Variants in CNTNAP2 observed in about 807,000 individuals in gnomAD.
CNTNAP2 encodes contactin-associated protein-like 2.
A neutral mutation model predicts 155.2 loss-of-function variants in CNTNAP2; 98 were observed. The ratio of observed to expected loss-of-function variants is 0.63; its 90% confidence interval spans 0.54 to 0.75. The LOEUF is 0.75. Ranked by LOEUF, CNTNAP2 falls within the 30% of genes least tolerant of loss-of-function variation. The pLI is 0.00. For missense variants in CNTNAP2, 1,727 were observed against 1,688.1 expected, an observed-to-expected ratio of 1.02 and a Z score of -0.40; for synonymous variants, 651 against 631.2, an observed-to-expected ratio of 1.03 and a Z score of -0.47.
chr7:147,756,899 C>G (rs1797220108), intron 13 of CNTNAP2, among the ~76,000 whole-genome samples: 1 of 152,168 alleles, frequency 6.6e-6, no homozygotes, highest in Non-Finnish European at 1.5e-5. Context: ...GAGTTAGCTA[C>G]AGAACATTAA....
At chr7:147,731,493 A>G (rs547998913) in intron 13 of CNTNAP2, among the ~76,000 whole-genome samples, 2 of 150,384 alleles carry the variant, frequency 1.3e-5, no homozygotes, top group Admixed American at 1.3e-4. Context: ...ACATACATAG[A>G]AAAAAAAAAG....
intron 13 of CNTNAP2, among the ~76,000 whole-genome samples, chr7:147,756,709 C>T (rs1261461765): frequency 1.3e-5 from 2 of 152,132 alleles, no homozygotes; most frequent in East Asian, 1.9e-4. Flanking sequence ...CTAGAAGGGA[C>T]TCCTTCCTCT....
intron 13 of CNTNAP2, among the ~76,000 whole-genome samples, chr7:147,823,507 G>A (rs899839870): frequency 1.3e-5 from 2 of 152,042 alleles, no homozygotes; most frequent in African/African-American, 4.8e-5. Flanking sequence ...CTACCTTTGA[G>A]GTATGAAGAC....
intron 1 of CNTNAP2, among the ~76,000 whole-genome samples, chr7:146,590,375 A>C (rs1389157212): frequency 1.3e-5 from 2 of 152,162 alleles, no homozygotes; most frequent in Non-Finnish European, 2.9e-5. Context: ...ATGAATGTTT[A>C]TCTCCCGAAG....
At chr7:147,971,017 G>C (rs1414215086) in intron 14 of CNTNAP2, among the ~76,000 whole-genome samples, 1 of 152,090 alleles carries the variant, frequency 6.6e-6, no homozygotes, top group Non-Finnish European at 1.5e-5. Context: ...AGAAAGGTGT[G>C]TTTTCTATCC....
intron 8 of CNTNAP2, among the ~76,000 whole-genome samples, chr7:147,233,611 A>G (rs1803733658): frequency 6.6e-6 from 1 of 151,864 alleles, no homozygotes; most frequent in Admixed American, 6.6e-5. Context: ...ACAAAAATTA[A>G]TAGAGACAGT....
intron 1 of CNTNAP2, among the ~76,000 whole-genome samples, chr7:146,418,009 G>A (rs1315696619): frequency 6.6e-6 from 1 of 152,186 alleles, no homozygotes; most frequent in African/African-American, 2.4e-5. Flanking sequence ...ACAAACAAGA[G>A]AATGAGTTAG....
At chr7:146,487,486 C>A (rs141913327) in intron 1 of CNTNAP2, among the ~76,000 whole-genome samples, 8 of 152,314 alleles carry the variant, frequency 5.3e-5, no homozygotes, top group African/African-American at 1.9e-4. Context: ...CTAGACTGAT[C>A]TACAACTTAA....
At chr7:147,291,767 G>C (rs942578454) in intron 8 of CNTNAP2, among the ~76,000 whole-genome samples, 1 of 152,098 alleles carries the variant, frequency 6.6e-6, no homozygotes, top group Non-Finnish European at 1.5e-5. Context: ...AATGCATGAG[G>C]GTTCAAATTG....
intron 11 of CNTNAP2, among the ~76,000 whole-genome samples, chr7:147,532,916 C>G (rs868609959): frequency 2.6e-5 from 4 of 152,168 alleles, no homozygotes; most frequent in African/African-American, 9.7e-5. Context: ...AGATACAACT[C>G]AAGTTGAGAT....
chr7:147,582,467 T>C (rs1309287481), intron 12 of CNTNAP2, among the ~76,000 whole-genome samples: 2 of 152,134 alleles, frequency 1.3e-5, no homozygotes, highest in African/African-American at 4.8e-5. Flanking sequence ...TATGAAAATG[T>C]TTCCTATATT....
intron 8 of CNTNAP2, chr7:147,146,687 T>C (rs953451456): frequency 6.6e-6 from 1 of 152,274 alleles, no homozygotes; most frequent in East Asian, 1.9e-4. Flanking sequence ...ATTTTTTATC[T>C]AAATATAGAA....
chr7:147,623,463 T>C (rs1437941242), intron 12 of CNTNAP2, among the ~76,000 whole-genome samples: 2 of 152,002 alleles, frequency 1.3e-5, no homozygotes, highest in African/African-American at 2.4e-5. Context: ...ATGCTAACAA[T>C]GAGCAATCTG....
intron 1 of CNTNAP2, among the ~76,000 whole-genome samples, chr7:146,161,933 T>C (rs1394492361): frequency 6.6e-6 from 1 of 152,132 alleles, no homozygotes; most frequent in Non-Finnish European, 1.5e-5. Context: ...ATTTAATAAA[T>C]GGTGCTGGGA....
At chr7:147,531,145 TC>T (rs1359033560) in intron 11 of CNTNAP2, among the ~76,000 whole-genome samples, 11 of 152,228 alleles carry the variant, frequency 7.2e-5, no homozygotes, top group Admixed American at 7.2e-4. Context: ...ACAGCCTCCT[TC>T]CCAGATGTTT....
rs1554446163 is a variant in CNTNAP2, at chr7:147,891,800, GC to G, written c.2099-11758del. Among the ~76,000 whole-genome samples, 15 of 151,764 alleles carry G rather than the reference GC, an allele frequency of 9.9e-5. No homozygotes were observed. The East Asian group carries it at 1.4e-3, about 14-fold the overall frequency. ...TAGTTTACCAAATAATTCCAACATAGCCCCCCCTACCATTCTTTGAGTCCAG... is the reference window on the plus strand; with the variant it reads ...TAGTTTACCAAATAATTCCAACATAGCCCCCCTACCATTCTTTGAGTCCAG... On this transcript the variant is annotated intron_variant, in intron 13 of 23. Coordinates refer to ENST00000361727, the MANE Select transcript of CNTNAP2 (RefSeq NM_014141.6).
intron 1 of CNTNAP2, among the ~76,000 whole-genome samples, chr7:146,436,823 T>C (rs1796250279): frequency 6.6e-6 from 1 of 151,712 alleles, no homozygotes; most frequent in Non-Finnish European, 1.5e-5. Context: ...TATTCCGTTA[T>C]ATTAAAGAAT....
At chr7:147,577,057 A>G (rs7791214) in intron 12 of CNTNAP2, among the ~76,000 whole-genome samples, 17,797 of 152,094 alleles carry the variant, frequency 0.12, 2,610 homozygotes, top group African/African-American at 0.35. Flanking sequence ...TATAAAAGAA[A>G]CTATGTCAAC....
intron 1 of CNTNAP2, among the ~76,000 whole-genome samples, chr7:146,504,456 A>G (rs551568369): frequency 6.6e-6 from 1 of 152,316 alleles, no homozygotes; most frequent in African/African-American, 2.4e-5. Flanking sequence ...AACAGCACAG[A>G]TGCCACCTTG....
Sources: gnomAD v4.1 joint callset for allele counts (sites outside exome capture counted in the v4.1 genomes callset) on GRCh38, gnomAD v4.1.1 for gene constraint, MANE v1.5 for transcripts, NCBI Gene and HGNC (gene_info 2026-07-23, HGNC 2026-07-21) for gene names.